Variants in N4BP3 observed in about 807,000 individuals in gnomAD.
The protein encoded by N4BP3 is NEDD4-binding protein 3.
Under a neutral mutation model 43.8 loss-of-function variants are expected in N4BP3, and 33 were observed. The ratio of observed to expected loss-of-function variants is 0.75; its 90% confidence interval spans 0.57 to 1.01. The LOEUF (loss-of-function observed/expected upper bound fraction) is 1.01. Among genes scored for constraint, N4BP3 ranks in the 50% least tolerant of loss-of-function variants. The pLI is 0.00. For synonymous variants in N4BP3, 326 were observed against 321.9 expected, an observed-to-expected ratio of 1.01 and a Z score of -0.14; for missense variants, 756 against 744.2, an observed-to-expected ratio of 1.02 and a Z score of -0.18.
intron 1 of N4BP3, among the ~76,000 whole-genome samples, chr5:178,116,392 C>CAGATA (rs10635660): frequency 6.6e-6 from 1 of 152,044 alleles, no homozygotes; most frequent in Non-Finnish European, 1.5e-5. Context: ...ATAATCCAGT[C>CAGATA]AGTCAGCCAG....
rs1177482085 is a variant in N4BP3, at chr5:178,120,583, C to T, written c.736C>T (p.Pro246Ser). The change falls in exon 3 of 5, where the codon CCC becomes TCC. Residue 246 changes from proline to serine, a missense_variant. Transcript: ENST00000274605. ...GCTGAGCTGCCTGCCCGAGCCACCA[C>T]CCCCCTACGAGTTCTCCTGCTCCTC... ...AVLSCLPEPP[P>S]PYEFSCSSAE... The T allele has an allele frequency of 6.2e-7, 1 of 1,612,722 alleles. No homozygotes were observed. The highest frequency in any genetic ancestry group is 1.1e-5 in the South Asian group (1 of 91,080).
rs766461371 is a variant in N4BP3, at chr5:178,119,864, C to T, written c.281C>T (p.Ala94Val). Residue 94 changes from alanine to valine, a missense_variant, in exon 2 of 5, where the codon GCG becomes GTG. Coordinates refer to ENST00000274605, the MANE Select transcript of N4BP3 (RefSeq NM_015111.2). ...CTCTACTACCGGGAACATTCTCGCGCGGGTGACTTCAGCAAGACCTCGCTG... is the reference window on the plus strand; with the variant it reads ...CTCTACTACCGGGAACATTCTCGCGTGGGTGACTTCAGCAAGACCTCGCTG... ...ATLYYREHSR[A>V]GDFSKTSLPE... The T allele has an allele frequency of 2.0e-5, 32 of 1,612,256 alleles. No homozygotes were observed. The Admixed American group carries it at 3.0e-4, about 15-fold the overall frequency.
downstream of N4BP3, among the ~76,000 whole-genome samples, chr5:178,126,835 A>G (rs140218637): frequency 5.1e-4 from 77 of 152,290 alleles, 1 homozygote; most frequent in East Asian, 0.014. Context: ...CTGCATGACA[A>G]GACAGCCTTT....
In N4BP3 at chr5:178,120,372, CAGCCTAGATGAGGGCGGCCCTG is replaced by C. The variant is rs761549640; in HGVS notation, c.530_551del (p.Leu177ProfsTer55). The C allele has an allele frequency of 6.2e-6, 10 of 1,610,798 alleles. No homozygotes were observed. The highest frequency in any genetic ancestry group is 1.3e-5 in the African/African-American group (1 of 75,010). Reference sequence around the variant, plus strand: ...CCCGGGCACAGCTGCTGCACGCCCTCAGCCTAGATGAGGGCGGCCCTGAGCCCGAGCCCAGCCTGTCCGACTC... The same window carrying C: ...CCCGGGCACAGCTGCTGCACGCCCTCAGCCCGAGCCCAGCCTGTCCGACTC... On this transcript the variant is annotated frameshift_variant, in exon 3 of 5. Transcript: ENST00000274605. LOFTEE classifies it high-confidence loss of function.
Position 178,122,100 on chromosome 5 carries a change from G to C in N4BP3, c.*99G>C. 1 of 1,394,242 alleles carries C rather than the reference G, an allele frequency of 7.2e-7. No individual in the cohort carries two copies. The highest frequency in any genetic ancestry group is 9.5e-7 in the Non-Finnish European group (1 of 1,054,442). 86.4% of individuals were successfully genotyped at this position (1,394,242 alleles called of 1,614,324 possible). A position where few individuals can be genotyped will look rare whatever the true frequency, so the allele number is the denominator to read the frequency against. ...CACTGGTTGGGGTGGAACCTGCAGA[G>C]GCCAGCCCGGGGCTGGGGAGGCGCA... On this transcript the variant is annotated 3_prime_UTR_variant, in exon 5 of 5. Transcript: ENST00000274605.
At position 178,120,197 on chromosome 5, in the gene N4BP3, T is replaced by C. The variant is rs1183495350; in HGVS notation, c.350T>C (p.Val117Ala). The change falls in exon 3 of 5, where the codon GTG (valine) becomes GCG (alanine). Residue 117 changes from valine to alanine, a missense_variant. Transcript: ENST00000274605. ...RFDKCRIRPSVFKPTAGNGKG... is the reference protein window; with the variant it reads ...RFDKCRIRPSAFKPTAGNGKG... ...TGGCAGTGCCGCATTCGCCCCTCAG[T>C]GTTCAAGCCTACGGCGGGCAACGGG... The C allele has an allele frequency of 8.9e-6, 14 of 1,578,668 alleles. No individual in the cohort carries two copies. The highest frequency in any genetic ancestry group is 1.4e-5 in the African/African-American group (1 of 73,782).
At chr5:178,114,512 G>A (rs1051384319) in intron 1 of N4BP3, among the ~76,000 whole-genome samples, 2 of 152,172 alleles carry the variant, frequency 1.3e-5, no homozygotes, top group African/African-American at 2.4e-5. Flanking sequence ...CAGGGCCCTG[G>A]CTGTATCCAG....
Position 178,123,904 on chromosome 5 carries a change from C to T in N4BP3, c.*1903C>T, listed in dbSNP as rs1387560013. 1 of 152,850 alleles carries T rather than the reference C, an allele frequency of 6.5e-6. No individual in the cohort carries two copies. Among genetic ancestry groups the T allele is most frequent in the African/African-American group, 2.4e-5 (1 of 41,450 alleles). The allele number at this position is 152,850 out of a possible 1,614,324, so 9.5% of individuals were successfully genotyped here. A position where few individuals can be genotyped will look rare whatever the true frequency, so the allele number is the denominator to read the frequency against. ...AGATCCCCTAGGCCTATCTGAGACCCATACAGGCCCACACCTGAGCTCCTG... is the reference window on the plus strand; with the variant it reads ...AGATCCCCTAGGCCTATCTGAGACCTATACAGGCCCACACCTGAGCTCCTG... On this transcript the variant is annotated 3_prime_UTR_variant, in exon 5 of 5. Coordinates refer to ENST00000274605, the MANE Select transcript of N4BP3 (RefSeq NM_015111.2).
At chr5:178,121,390 C>T (rs1757919644) in intron 4 of N4BP3, 38 bp downstream of exon 4, 4 of 1,611,084 alleles carry the variant, frequency 2.5e-6, no homozygotes, top group Non-Finnish European at 3.4e-6. Context: ...TCTCCCATCT[C>T]CATTGCCGGT....
intron 1 of N4BP3, among the ~76,000 whole-genome samples, chr5:178,116,060 C>T (rs1015638970): frequency 2.0e-5 from 3 of 152,178 alleles, no homozygotes; most frequent in Non-Finnish European, 4.4e-5. Context: ...CTTGGCTTGT[C>T]CCCTACCCTT....
At chr5:178,120,838 C>G in intron 3 of N4BP3, 139 bp downstream of exon 3, 2 of 1,257,520 alleles carry the variant, frequency 1.6e-6, no homozygotes, top group Admixed American at 5.8e-5. Flanking sequence ...TGGCTTCCTT[C>G]CTCTGCATCC....
Position 178,122,144 on chromosome 5 carries a change from T to A in N4BP3, c.*143T>A. ...AGGCGCAAGGAGAGGAGGGATCCAGTGGGGCCGTGGGCTGGGTAGGGTGCC... is the reference window on the plus strand; with the variant it reads ...AGGCGCAAGGAGAGGAGGGATCCAGAGGGGCCGTGGGCTGGGTAGGGTGCC... On this transcript the variant is annotated 3_prime_UTR_variant, in exon 5 of 5. Transcript: ENST00000274605. 1 of 1,065,542 alleles carries A rather than the reference T, an allele frequency of 9.4e-7. No homozygotes were observed. Among genetic ancestry groups the A allele is most frequent in the Non-Finnish European group, 1.3e-6 (1 of 765,992 alleles). The allele number at this position is 1,065,542 out of a possible 1,614,324, so 66.0% of individuals were successfully genotyped here.
chr5:178,121,603 C>G lies in N4BP3; in HGVS notation c.1237C>G (p.Gln413Glu). 1 of 1,613,290 alleles carries G rather than the reference C, an allele frequency of 6.2e-7. No individual in the cohort carries two copies. The highest frequency in any genetic ancestry group is 1.7e-5 in the Admixed American group (1 of 60,032). ...ACTTCGGGGCAGCCGGGCACAAGCC[C>G]AGGCTCAGGACGCAGAGCTGGTCCG... Reference protein sequence around the residue: ...TQLRGSRAQAQAQDAELVRLR... With the variant: ...TQLRGSRAQAEAQDAELVRLR... Residue 413 changes from glutamine (Q) to glutamate (E), a missense_variant, in exon 5 of 5, where the codon CAG becomes GAG. By Grantham distance (29) the Gln-to-Glu change is conservative. Coordinates refer to ENST00000274605, the MANE Select transcript of N4BP3 (RefSeq NM_015111.2).
chr5:178,115,696 A>T (rs1174004934), intron 1 of N4BP3, among the ~76,000 whole-genome samples: 1 of 152,186 alleles, frequency 6.6e-6, no homozygotes, highest in African/African-American at 2.4e-5. Context: ...TCTTGTGAGG[A>T]TGTGATAGTG....
intron 1 of N4BP3, among the ~76,000 whole-genome samples, chr5:178,115,168 T>C (rs1462669409): frequency 6.6e-6 from 1 of 152,118 alleles, no homozygotes; most frequent in Non-Finnish European, 1.5e-5. Flanking sequence ...GATAATGAAA[T>C]AGAAGGGCTG....
Position 178,121,301 on chromosome 5 carries a change from C to G in N4BP3, c.1056C>G (p.Thr352=). The part of the protein sequence containing the change: ...GLAPEPRAPG[T]LPEADPSARP... ...CTCCGGAGCCTCGGGCCCCCGGCAC[C>G]CTCCCAGAGGCTGACCCCAGTGCAC... The change falls in exon 4 of 5, where the codon ACC becomes ACG. Residue 352 remains threonine, a synonymous_variant. Coordinates refer to ENST00000274605, the MANE Select transcript of N4BP3 (RefSeq NM_015111.2). The G allele has an allele frequency of 1.9e-6, 3 of 1,606,372 alleles. No homozygotes were observed. Among genetic ancestry groups the G allele is most frequent in the Non-Finnish European group, 2.6e-6 (3 of 1,175,664 alleles).
Position 178,121,734 on chromosome 5 carries a change from A to G in N4BP3, c.1368A>G (p.Ala456=), listed in dbSNP as rs1399429632. Residue 456 remains alanine, a synonymous_variant, in exon 5 of 5, where the codon GCA becomes GCG. Transcript: ENST00000274605. ...DCKSRGLLGE[A]GGSEARDSAE... is the part of the protein sequence containing the mutation. ...AGAGCAGGGGCCTGCTAGGGGAGGC[A>G]GGAGGCAGCGAGGCCAGAGACAGTG... 1.2e-6 allele frequency: 2 copies of G among 1,608,338 alleles called. No homozygotes were observed. Among genetic ancestry groups the G allele is most frequent in the Admixed American group, 1.7e-5 (1 of 60,002 alleles).
chr5:178,125,833 C>G lies in N4BP3; in HGVS notation c.*3832C>G, dbSNP rs943227087. The G allele has an allele frequency of 1.3e-5, 2 of 152,070 alleles. No homozygotes were observed. Among genetic ancestry groups the G allele is most frequent in the African/African-American group, 4.8e-5 (2 of 41,394 alleles). 9.4% of individuals were successfully genotyped at this position (152,070 alleles called of 1,614,324 possible). A position where few individuals can be genotyped will look rare whatever the true frequency, so the allele number is the denominator to read the frequency against. On this transcript the variant is annotated 3_prime_UTR_variant, in exon 5 of 5. Transcript: ENST00000274605. ...TCCTGTGGCCCTCTAGTCCACCCCC[C>G]GCCCCACCCCAGCCCCTGGCAACCA...
At position 178,125,697 on chromosome 5, in the gene N4BP3, G is replaced by C. The variant is rs1430509107; in HGVS notation, c.*3696G>C. 6.6e-6 allele frequency: 1 copy of C among 152,376 alleles called. No homozygotes were observed. Among genetic ancestry groups the C allele is most frequent in the Middle Eastern group, 3.4e-3 (1 of 294 alleles). 9.4% of individuals were successfully genotyped at this position (152,376 alleles called of 1,614,324 possible). A position where few individuals can be genotyped will look rare whatever the true frequency, so the allele number is the denominator to read the frequency against. ...GCTGGCTCACTCATCCGTCCAGGAG[G>C]TGGGTCTCATGGTTTCATTTTGCTT... On this transcript the variant is annotated 3_prime_UTR_variant, in exon 5 of 5. Transcript: ENST00000274605.
Sources: allele counts gnomAD v4.1 joint callset (sites outside exome capture counted in the v4.1 genomes callset), GRCh38; gene constraint gnomAD v4.1.1; transcripts MANE v1.5; gene names NCBI Gene and HGNC (gene_info 2026-07-23, HGNC 2026-07-21).